Variants in KCNG2 observed in about 807,000 individuals in gnomAD.
KCNG2 encodes the protein voltage-gated potassium channel regulatory subunit KCNG2.
A neutral mutation model predicts 12.3 loss-of-function variants in KCNG2; 7 were observed. That is an observed-to-expected ratio of 0.57 (90% CI 0.32 to 1.07). KCNG2 has a LOEUF of 1.07. Among genes scored for constraint, KCNG2 ranks in the 50% least tolerant of loss-of-function variants. The pLI, the probability that KCNG2 is intolerant of heterozygous loss-of-function variation, is 0.04. For missense variants in KCNG2, 703 were observed against 726.0 expected, an observed-to-expected ratio of 0.97 and a Z score of 0.36; for synonymous variants, 414 against 351.4, an observed-to-expected ratio of 1.18 and a Z score of -1.99.
intron 1 of KCNG2, among the ~76,000 whole-genome samples, chr18:79,805,276 G>T (rs2087440581): frequency 6.6e-6 from 1 of 152,238 alleles, no homozygotes; most frequent in African/African-American, 2.4e-5. Flanking sequence ...GCATTTCAGT[G>T]CTTTAACCTC....
chr18:79,801,048 G>A (rs1267960688), intron 1 of KCNG2, among the ~76,000 whole-genome samples: 1 of 152,206 alleles, frequency 6.6e-6, no homozygotes, highest in East Asian at 1.9e-4. Context: ...ACAGCCATGC[G>A]GATGTCCGGG....
At chr18:79,853,228 C>T (rs1039792000) in intron 1 of KCNG2, among the ~76,000 whole-genome samples, 1 of 152,194 alleles carries the variant, frequency 6.6e-6, no homozygotes, top group Admixed American at 6.5e-5. Context: ...AAAAATAATG[C>T]ACTAATCATT....
At chr18:79,856,475 G>C (rs1020660419) in intron 2 of KCNG2, among the ~76,000 whole-genome samples, 23 bp downstream of exon 2, 37 of 152,182 alleles carry the variant, frequency 2.4e-4, no homozygotes, top group Admixed American at 1.6e-3. Flanking sequence ...CCTGCCAGAA[G>C]GGCAAGAAAC....
At chr18:79,830,217 T>C (rs1457047482) in intron 1 of KCNG2, among the ~76,000 whole-genome samples, 1 of 152,178 alleles carries the variant, frequency 6.6e-6, no homozygotes, top group Admixed American at 6.5e-5. Flanking sequence ...TAAGGGTTCA[T>C]GGTCCATCCC....
At chr18:79,805,389 C>T (rs1175226050) in intron 1 of KCNG2, among the ~76,000 whole-genome samples, 1 of 152,234 alleles carries the variant, frequency 6.6e-6, no homozygotes, top group Non-Finnish European at 1.5e-5. Context: ...CTGCCGCGCA[C>T]TCGGGATGAG....
intron 3 of KCNG2, among the ~76,000 whole-genome samples, chr18:79,871,582 G>A (rs1227021963): frequency 6.6e-6 from 1 of 152,170 alleles, no homozygotes; most frequent in Non-Finnish European, 1.5e-5. Context: ...AGGCGGGGCT[G>A]ACGTCTTGCG....
intron 1 of KCNG2, among the ~76,000 whole-genome samples, chr18:79,799,724 A>AGCTGCC (rs2122982772): frequency 6.6e-6 from 1 of 152,380 alleles, no homozygotes; most frequent in South Asian, 2.1e-4. Flanking sequence ...GTGAGTTCTC[A>AGCTGCC]GCTGCCACAG....
chr18:79,867,772 G>A (rs1255333785), intron 3 of KCNG2, among the ~76,000 whole-genome samples: 1 of 151,852 alleles, frequency 6.6e-6, no homozygotes, highest in Non-Finnish European at 1.5e-5. Flanking sequence ...CACCAGGTGG[G>A]GGTCGGGCAC....
chr18:79,854,116 T>G (rs1436748192), intron 1 of KCNG2, among the ~76,000 whole-genome samples: 1 of 152,246 alleles, frequency 6.6e-6, no homozygotes, highest in Non-Finnish European at 1.5e-5. Context: ...GGTCGTGGGC[T>G]CAGGCATCCA....
chr18:79,803,466 C>T lies in KCNG2; in HGVS notation c.-115+5452C>T, dbSNP rs1199492117. On this transcript the variant is annotated intron_variant, in intron 1 of 3. Transcript: ENST00000316249. This position sits in a 1 kb window ranked among gnomAD's most constrained non-coding sequence, Gnocchi z 4.5. Reference sequence around the variant, plus strand: ...GAAGATAGGAAATATGTATCATTGGCTTCTTTAATACTTGCCAAATTAGAA... The same window carrying T: ...GAAGATAGGAAATATGTATCATTGGTTTCTTTAATACTTGCCAAATTAGAA... Among the ~76,000 whole-genome samples, 6 of 152,232 alleles carry T rather than the reference C, an allele frequency of 3.9e-5. No homozygotes were observed. Among genetic ancestry groups the T allele is most frequent in the Admixed American group, 3.9e-4 (6 of 15,284 alleles).
intron 2 of KCNG2, among the ~76,000 whole-genome samples, chr18:79,861,847 T>C (rs997534263): frequency 3.9e-5 from 6 of 152,364 alleles, no homozygotes; most frequent in African/African-American, 1.4e-4. Flanking sequence ...GCTCCTCAGA[T>C]AGGATAGCAT....
At chr18:79,836,648 T>C (rs1978327887) in intron 1 of KCNG2, among the ~76,000 whole-genome samples, 1 of 152,092 alleles carries the variant, frequency 6.6e-6, no homozygotes, top group Admixed American at 6.5e-5. Flanking sequence ...AAACTTACAA[T>C]CATGGCGAGA....
chr18:79,878,781 G>A (rs1270637613), intron 3 of KCNG2, among the ~76,000 whole-genome samples: 2 of 152,244 alleles, frequency 1.3e-5, no homozygotes. Flanking sequence ...GGACGGTGCA[G>A]GCAGGAATGG....
At chr18:79,841,188 T>C (rs1160618810) in intron 1 of KCNG2, among the ~76,000 whole-genome samples, 5 of 152,174 alleles carry the variant, frequency 3.3e-5, no homozygotes, top group Non-Finnish European at 7.3e-5. Context: ...GGAAGATTGC[T>C]TGAGCCTGGG....
At position 79,863,880 on chromosome 18, in the gene KCNG2, C is replaced by T. The variant is rs1169105597; in HGVS notation, c.213C>T (p.Phe71=). ...ACGTGAGCCGCGACGAGTTCTTCTT[C>T]GACCGCAGCCCGTGCGCCTTCCGCG... is the stretch of plus-strand genomic sequence containing the variant. The part of the protein sequence containing the change: ...DYDVSRDEFF[F]DRSPCAFRAI... The change falls in exon 3 of 4, where the codon TTC becomes TTT. Residue 71 remains phenylalanine, a synonymous_variant. Transcript: ENST00000316249. 2.0e-6 allele frequency: 3 copies of T among 1,473,442 alleles called. No homozygotes were observed. The highest frequency in any genetic ancestry group is 2.7e-6 in the Non-Finnish European group (3 of 1,110,252). The allele number at this position is 1,473,442 out of a possible 1,614,324, so 91.3% of individuals were successfully genotyped here. A position where few individuals can be genotyped will look rare whatever the true frequency, so the allele number is the denominator to read the frequency against.
At chr18:79,869,811 AC>A (rs1244798987) in intron 3 of KCNG2, among the ~76,000 whole-genome samples, 2 of 151,916 alleles carry the variant, frequency 1.3e-5, no homozygotes, top group East Asian at 1.9e-4. Context: ...CACCCACTGC[AC>A]CCCCAACCTC....
At chr18:79,833,675 C>T (rs371889886) in intron 1 of KCNG2, among the ~76,000 whole-genome samples, 4 of 152,186 alleles carry the variant, frequency 2.6e-5, no homozygotes, top group African/African-American at 9.7e-5. Flanking sequence ...ATAAACAAGG[C>T]TAAGTCCAAA....
rs144897566 is a variant in KCNG2 at position 79,899,148 on chromosome 18, G to A, written c.733G>A (p.Ala245Thr). Residue 245 changes from alanine (A) to threonine (T), a missense_variant, in exon 4 of 4, where the codon GCC (alanine) becomes ACC (threonine). Ala to Thr is a moderately conservative substitution (Grantham distance 58). Transcript: ENST00000316249. ...LRSLQAESKC[A>T]FLRAPLNIID... ...CTCCCTGCAGGCCGAGAGCAAGTGC[G>A]CCTTCCTGCGCGCGCCACTCAACAT... The A allele has an allele frequency of 4.4e-6, 7 of 1,607,040 alleles. No individual in the cohort carries two copies. Among genetic ancestry groups the A allele is most frequent in the South Asian group, 3.3e-5 (3 of 90,954 alleles).
At chr18:79,872,968 G>A (rs1004466680) in intron 3 of KCNG2, among the ~76,000 whole-genome samples, 8 of 152,094 alleles carry the variant, frequency 5.3e-5, no homozygotes, top group Admixed American at 1.3e-4. Flanking sequence ...GGGAGCCGGC[G>A]TGTGCTGTCC....
Sources: allele counts gnomAD v4.1 joint callset (sites outside exome capture counted in the v4.1 genomes callset), GRCh38; gene constraint gnomAD v4.1.1; non-coding constraint Gnocchi (gnomAD v3.1); transcripts MANE v1.5; gene names NCBI Gene and HGNC (gene_info 2026-07-23, HGNC 2026-07-21).